HEMK2: variants seen among roughly 807,000 people sequenced by gnomAD.
HEMK2 encodes methyltransferase HEMK2.
At chr21:28,690,940 G>A in the HEMK2 span, among the ~76,000 whole-genome samples, 3 of 152,092 alleles carry the variant, frequency 2.0e-5, no homozygotes, top group African/African-American at 7.2e-5. Context: ...GTGCAATTCA[G>A]CAAGCTTCTC....
the HEMK2 span, among the ~76,000 whole-genome samples, chr21:28,777,910 A>G: frequency 1.3e-5 from 2 of 152,248 alleles, no homozygotes; most frequent in Admixed American, 1.3e-4. Flanking sequence ...ATTTACTTAT[A>G]AGCAAGTCTT....
the HEMK2 span, among the ~76,000 whole-genome samples, chr21:28,575,598 T>C: frequency 5.3e-5 from 8 of 152,330 alleles, no homozygotes; most frequent in African/African-American, 1.9e-4. Context: ...ACAATCACTG[T>C]GGATTTTTTT....
the HEMK2 span, among the ~76,000 whole-genome samples, chr21:28,698,067 C>G: frequency 6.6e-6 from 1 of 152,194 alleles, no homozygotes; most frequent in African/African-American, 2.4e-5. Flanking sequence ...GGATCTCACT[C>G]ATGAAGGTTC....
At chr21:28,643,837 A>C in the HEMK2 span, among the ~76,000 whole-genome samples, 1 of 152,336 alleles carries the variant, frequency 6.6e-6, no homozygotes, top group Admixed American at 6.5e-5. Flanking sequence ...TAATCAAATG[A>C]AGTCAGCAGG....
chr21:28,681,982 T>C, the HEMK2 span, among the ~76,000 whole-genome samples: 2 of 152,200 alleles, frequency 1.3e-5, no homozygotes, highest in African/African-American at 4.8e-5. Context: ...ATTCAGGACA[T>C]AGGCATGAGC....
At chr21:28,586,462 G>GT in the HEMK2 span, among the ~76,000 whole-genome samples, 5 of 152,142 alleles carry the variant, frequency 3.3e-5, no homozygotes, top group African/African-American at 1.2e-4. Flanking sequence ...AGTATAAGAT[G>GT]ATTGCTTGCT....
At chr21:28,755,530 T>C in the HEMK2 span, among the ~76,000 whole-genome samples, 4 of 152,340 alleles carry the variant, frequency 2.6e-5, no homozygotes, top group South Asian at 6.2e-4. Context: ...AGAGGTGTGA[T>C]GTCTATCTTC....
chr21:28,703,654 T>C, the HEMK2 span, among the ~76,000 whole-genome samples: 1 of 152,228 alleles, frequency 6.6e-6, no homozygotes, highest in Admixed American at 6.5e-5. Flanking sequence ...GCTCTATCCA[T>C]GGGTCCAAGC....
At chr21:28,772,784 A>G in the HEMK2 span, among the ~76,000 whole-genome samples, 1 of 152,122 alleles carries the variant, frequency 6.6e-6, no homozygotes, top group African/African-American at 2.4e-5. Context: ...GCTCCCAACC[A>G]TATTGCTTCT....
chr21:28,738,547 G>A, the HEMK2 span, among the ~76,000 whole-genome samples: 6 of 152,132 alleles, frequency 3.9e-5, no homozygotes, highest in Non-Finnish European at 8.8e-5. Flanking sequence ...TGTAAACACC[G>A]GCAGGGACAG....
the HEMK2 span, among the ~76,000 whole-genome samples, chr21:28,718,913 T>A: frequency 6.6e-6 from 1 of 152,186 alleles, no homozygotes; most frequent in Non-Finnish European, 1.5e-5. Context: ...TCAATGATTG[T>A]GCACAGCAAG....
chr21:28,839,085 G>A, the HEMK2 span, among the ~76,000 whole-genome samples: 2 of 143,682 alleles, frequency 1.4e-5, no homozygotes, highest in African/African-American at 2.6e-5. Flanking sequence ...GTCAATAAAT[G>A]TGATACAACA....
chr21:28,613,858 G>A, the HEMK2 span, among the ~76,000 whole-genome samples: 2 of 152,036 alleles, frequency 1.3e-5, no homozygotes, highest in Admixed American at 6.6e-5. Flanking sequence ...CACTGATGAA[G>A]CTTGCTGACT....
At chr21:28,825,395 G>A in the HEMK2 span, among the ~76,000 whole-genome samples, 1 of 152,146 alleles carries the variant, frequency 6.6e-6, no homozygotes, top group African/African-American at 2.4e-5. Context: ...TAGACTTTCA[G>A]CTGAGCATAA....
the HEMK2 span, among the ~76,000 whole-genome samples, chr21:28,650,688 A>G: frequency 6.6e-6 from 1 of 152,076 alleles, no homozygotes; most frequent in South Asian, 2.1e-4. Context: ...AATATTAGAG[A>G]GGGGTGTCTA....
the HEMK2 span, among the ~76,000 whole-genome samples, chr21:28,614,415 T>TA: frequency 0.019 from 2,784 of 148,458 alleles, 107 homozygotes; most frequent in African/African-American, 0.066. Context: ...TTTCATACAT[T>TA]AAAAAAAAAA....
chr21:28,675,211 T>A, the HEMK2 span, among the ~76,000 whole-genome samples: 2 of 152,220 alleles, frequency 1.3e-5, no homozygotes, highest in Non-Finnish European at 2.9e-5. Flanking sequence ...CTCTTTTATG[T>A]ACAATGATTA....
the HEMK2 span, among the ~76,000 whole-genome samples, chr21:28,836,206 C>T: frequency 1.1e-3 from 168 of 152,138 alleles, no homozygotes; most frequent in East Asian, 0.02. Flanking sequence ...AAAGTTAAGA[C>T]GAAGGAAAGA....
At chr21:28,577,246 A>G in the HEMK2 span, 1 of 152,158 alleles carries the variant, frequency 6.6e-6, no homozygotes, top group East Asian at 1.9e-4. Flanking sequence ...CAAGGCCAGG[A>G]TCTTCTCAAC....
Sources: gnomAD v4.1 joint callset for allele counts (sites outside exome capture counted in the v4.1 genomes callset) on GRCh38, gnomAD v4.1.1 for gene constraint, MANE v1.5 for transcripts, NCBI Gene and HGNC (gene_info 2026-07-23, HGNC 2026-07-21) for gene names.